The following VRK2 variants were observed in gnomAD, a reference collection of about 807,000 sequenced individuals.
The protein encoded by VRK2 is serine/threonine-protein kinase VRK2.
In VRK2, 60 loss-of-function variants were observed where a neutral mutation model predicts 57.6. That is an observed-to-expected ratio of 1.04 (90% CI 0.85 to 1.29). The LOEUF is 1.29. VRK2 is among the 50% of genes most tolerant of loss of function. The pLI, the probability that VRK2 is intolerant of heterozygous loss-of-function variation, is 0.00. For missense variants in VRK2, 705 were observed against 588.1 expected, an observed-to-expected ratio of 1.20 and a Z score of -2.06; for synonymous variants, 231 against 199.2, an observed-to-expected ratio of 1.16 and a Z score of -1.35.
At chr2:58,094,561 G>A (rs1168611443) in intron 7 of VRK2, among the ~76,000 whole-genome samples, 2 of 152,128 alleles carry the variant, frequency 1.3e-5, no homozygotes, top group African/African-American at 4.8e-5. Context: ...GAGATTTTGG[G>A]CTGAGACGAT....
At chr2:58,011,660 A>G (rs183221266) in intron 1 of VRK2, among the ~76,000 whole-genome samples, 1 of 152,126 alleles carries the variant, frequency 6.6e-6, no homozygotes. Context: ...TTATTTTGTT[A>G]TATTTTATTT....
chr2:57,973,248 G>A (rs188503880), intron 1 of VRK2, among the ~76,000 whole-genome samples: 1 of 151,826 alleles, frequency 6.6e-6, no homozygotes, highest in Admixed American at 6.6e-5. Context: ...ATTTTAATTG[G>A]CGTTTCTCTT....
intron 1 of VRK2, among the ~76,000 whole-genome samples, chr2:57,917,806 T>TATTA (rs1182463393): frequency 6.6e-6 from 1 of 151,974 alleles, no homozygotes; most frequent in African/African-American, 2.4e-5. Context: ...TTACATGCAA[T>TATTA]CCCTATAATA....
chr2:58,086,362 C>T lies in VRK2; in HGVS notation c.280C>T (p.Gln94Ter), dbSNP rs758845875. The change falls in exon 5 of 13, where the codon CAA becomes TAA. Residue 94 changes from glutamine to a stop codon, truncating the protein, a stop_gained. Transcript: ENST00000340157. LOFTEE classifies it high-confidence loss of function. ...DCIKKWIERK[Q>*]LDYLGIPLFY... Reference sequence around the variant, plus strand: ...AGTCAAAAAGTGGATAGAACGCAAACAACTTGATTATTTAGGAATTCCTCT... The same window carrying T: ...AGTCAAAAAGTGGATAGAACGCAAATAACTTGATTATTTAGGAATTCCTCT... 4.4e-6 allele frequency: 7 copies of T among 1,605,220 alleles called. No individual in the cohort carries two copies. The highest frequency in any genetic ancestry group is 5.1e-6 in the Non-Finnish European group (6 of 1,177,390).
At chr2:58,005,822 G>A (rs756197243) in intron 1 of VRK2, among the ~76,000 whole-genome samples, 2 of 152,148 alleles carry the variant, frequency 1.3e-5, no homozygotes, top group African/African-American at 4.8e-5. Flanking sequence ...AAATTCGAAT[G>A]AGTCTTCTTT....
chr2:57,963,834 A>G (rs766327350), intron 1 of VRK2, among the ~76,000 whole-genome samples: 5 of 152,234 alleles, frequency 3.3e-5, no homozygotes, highest in Non-Finnish European at 7.3e-5. Flanking sequence ...TTTACATTAC[A>G]GTTATTGCAA....
chr2:58,085,625 G>A (rs1352070947), intron 4 of VRK2, among the ~76,000 whole-genome samples: 2 of 151,926 alleles, frequency 1.3e-5, no homozygotes, highest in Admixed American at 6.6e-5. Flanking sequence ...TTAAGAATAA[G>A]AGTGATGGGT....
At position 58,159,513 on chromosome 2, in the gene VRK2, T is replaced by C. The variant is rs753295594; in HGVS notation, c.1347T>C (p.Ser449=). The change falls in exon 13 of 13, where the codon TCT becomes TCC. Residue 449 remains serine (S), a synonymous_variant. Transcript: ENST00000340157. ...PDIFKKSRSP[S]WYKYTSTVST... is the part of the protein sequence containing the mutation. ...TATTCAAGAAGTCAAGATCTCCATC[T>C]TGGTATAAATACACTTCCACAGTCA... 1 of 1,613,764 alleles carries C rather than the reference T, an allele frequency of 6.2e-7. No homozygotes were observed. The highest frequency in any genetic ancestry group is 8.5e-7 in the Non-Finnish European group (1 of 1,179,786).
chr2:57,928,691 T>G (rs1670621444), intron 1 of VRK2, among the ~76,000 whole-genome samples: 1 of 152,146 alleles, frequency 6.6e-6, no homozygotes, highest in Non-Finnish European at 1.5e-5. Flanking sequence ...GAAGGCTTTC[T>G]CAGTATTCAG....
At chr2:58,120,246 AGTG>A (rs1677268392) in intron 7 of VRK2, among the ~76,000 whole-genome samples, 1 of 121,278 alleles carries the variant, frequency 8.2e-6, no homozygotes, top group Admixed American at 1.1e-4. Flanking sequence ...GCTGGAGTGC[AGTG>A]GCACAATCTT....
intron 12 of VRK2, among the ~76,000 whole-genome samples, chr2:58,157,506 G>C (rs1317419818): frequency 1.3e-5 from 2 of 152,096 alleles, no homozygotes; most frequent in Non-Finnish European, 2.9e-5. Flanking sequence ...TGTGGGGCAG[G>C]ATCAACCCAG....
rs1003011143 is a variant in VRK2 at position 57,969,679 on chromosome 2, A to T, written c.-438-55986A>T. Among the ~76,000 whole-genome samples, 19 of 152,262 alleles carry T rather than the reference A, an allele frequency of 1.2e-4. 1 individual carries two copies. Among genetic ancestry groups the T allele is most frequent in the African/African-American group, 4.6e-4 (19 of 41,578 alleles). On this transcript the variant is annotated intron_variant, in intron 1 of 15. Coordinates refer to the VRK2 transcript ENST00000417641. ...AACAGAAAGGAAATACTAAATATCA[A>T]ATCAAAAATAAATGAAATCTAAAAC...
chr2:58,023,849 A>G (rs1673837677), intron 1 of VRK2, among the ~76,000 whole-genome samples: 1 of 152,228 alleles, frequency 6.6e-6, no homozygotes, highest in Admixed American at 6.5e-5. Context: ...GAATCAATAT[A>G]GAAGCTTTGG....
intron 2 of VRK2, among the ~76,000 whole-genome samples, chr2:58,080,751 G>T (rs1670747876): frequency 6.6e-6 from 1 of 151,556 alleles, no homozygotes. Flanking sequence ...TTCTAGGTTT[G>T]TCTCTTATAA....
At chr2:57,951,924 CT>C (rs77314112) in intron 1 of VRK2, among the ~76,000 whole-genome samples, 2,695 of 128,706 alleles carry the variant, frequency 0.021, 37 homozygotes, top group African/African-American at 0.049. Flanking sequence ...TTTTTCCTTC[CT>C]TTTTTTTTTT....
intron 1 of VRK2, among the ~76,000 whole-genome samples, chr2:57,948,585 C>G (rs764473460): frequency 6.6e-6 from 1 of 152,014 alleles, no homozygotes; most frequent in Non-Finnish European, 1.5e-5. Context: ...AATATCTTAA[C>G]TTGTGGGTTT....
At chr2:58,049,211 C>T (rs540726258) in intron 2 of VRK2, among the ~76,000 whole-genome samples, 165 of 152,260 alleles carry the variant, frequency 1.1e-3, no homozygotes, top group Middle Eastern at 3.4e-3. Flanking sequence ...ATTATACAAT[C>T]TGCCAGACAA....
At chr2:58,051,646 T>A (rs1675766092) in intron 2 of VRK2, among the ~76,000 whole-genome samples, 1 of 152,258 alleles carries the variant, frequency 6.6e-6, no homozygotes, top group African/African-American at 2.4e-5. Flanking sequence ...GATCAGCGTT[T>A]ACTGCCTAAG....
At chr2:58,041,318 A>T (rs887717985) in intron 3 of VRK2, among the ~76,000 whole-genome samples, 4 of 152,192 alleles carry the variant, frequency 2.6e-5, no homozygotes, top group Non-Finnish European at 5.9e-5. Context: ...AATGAAAAAT[A>T]AAATTCTAAG....
Sources: gnomAD v4.1 joint callset for allele counts (sites outside exome capture counted in the v4.1 genomes callset) on GRCh38, gnomAD v4.1.1 for gene constraint, MANE v1.5 for transcripts, NCBI Gene and HGNC (gene_info 2026-07-23, HGNC 2026-07-21) for gene names.